The following SETX variants were observed in gnomAD, a reference collection of about 807,000 sequenced individuals.
SETX encodes the protein senataxin, also known as helicase senataxin.
Under a neutral mutation model 227.2 loss-of-function variants are expected in SETX, and 90 were observed. The observed-to-expected ratio is 0.40, with a 90% CI of 0.33 to 0.47. The LOEUF is 0.47. Among genes scored for constraint, SETX ranks in the 20% least tolerant of loss-of-function variants. The pLI is 0.91. For synonymous variants in SETX, 1,210 were observed against 1,113.2 expected (o/e 1.09, Z -1.73); for missense variants, 3,052 against 3,181.5 (o/e 0.96, Z 0.98).
rs150559908 is a variant in SETX at position 132,290,955 on chromosome 9, A to G, written c.6107-2304T>C. Among the ~76,000 whole-genome samples the G allele has an allele frequency of 6.6e-5, 10 of 152,238 alleles. No homozygotes were observed. In the East Asian group the frequency reaches 1.9e-3, roughly 29 times the overall value. ...TTGGACACGTCACAGTTATTTGTTT[A>G]CTGTCTATCTCCATCCTTTAAATGT... On this transcript the variant is annotated intron_variant, in intron 15 of 25. Transcript: ENST00000224140.
chr9:132,334,436 A>G, intron 7 of SETX, among the ~76,000 whole-genome samples, 172 bp downstream of exon 7: 1 of 152,236 alleles, frequency 6.6e-6, no homozygotes, highest in Non-Finnish European at 1.5e-5. Flanking sequence ...CAACAAGAGT[A>G]TGACTTCGTA....
chr9:132,312,254 G>C (rs749128108), intron 10 of SETX, among the ~76,000 whole-genome samples: 2 of 152,012 alleles, frequency 1.3e-5, no homozygotes, highest in Non-Finnish European at 2.9e-5. Context: ...AGTCCAAAAG[G>C]ACCTAGATTT....
rs1320789709 is a variant in SETX at position 132,349,431 on chromosome 9, T to A, written c.-3A>T. On this transcript the variant is annotated 5_prime_UTR_variant, in exon 3 of 26. Transcript: ENST00000224140. ...GTACACCAACAACATGTGCTCATTC[T>A]GTACCTACAGCCAGAAAAGATGACA... 3 of 1,614,202 alleles carry A rather than the reference T, an allele frequency of 1.9e-6. No individual in the cohort carries two copies. The highest frequency in any genetic ancestry group is 2.5e-6 in the Non-Finnish European group (3 of 1,180,028).
intron 10 of SETX, among the ~76,000 whole-genome samples, chr9:132,314,532 A>C (rs1845854941): frequency 6.6e-6 from 1 of 152,032 alleles, no homozygotes; most frequent in African/African-American, 2.4e-5. Flanking sequence ...CTAGCTTTCC[A>C]AGTATTAAAG....
chr9:132,333,329 G>C (rs1478491403), intron 7 of SETX, among the ~76,000 whole-genome samples: 1 of 145,090 alleles, frequency 6.9e-6, no homozygotes, highest in East Asian at 2.1e-4. Context: ...AGTTAGCCAA[G>C]ATCGCACCAC....
chr9:132,335,308 G>A (rs934177536), intron 6 of SETX, among the ~76,000 whole-genome samples: 9 of 149,444 alleles, frequency 6.0e-5, no homozygotes, highest in East Asian at 4.1e-4. Context: ...GGAGAATGGC[G>A]TGAACCCAGG....
At chr9:132,346,138 A>C (rs1848272346) in intron 4 of SETX, 123 bp downstream of exon 4, 4 of 771,874 alleles carry the variant, frequency 5.2e-6, no homozygotes, top group Non-Finnish European at 8.4e-6. Flanking sequence ...AAAAAAATGA[A>C]GTCCTAATTA....
intron 11 of SETX, among the ~76,000 whole-genome samples, chr9:132,305,260 A>G (rs1845261591): frequency 6.7e-6 from 1 of 148,498 alleles, no homozygotes; most frequent in Admixed American, 6.7e-5. Flanking sequence ...AGGCTGAGGC[A>G]GGAGAATGGC....
chr9:132,283,200 C>T, intron 19 of SETX, 64 bp downstream of exon 19: 1 of 1,596,654 alleles, frequency 6.3e-7, no homozygotes, highest in South Asian at 1.1e-5. Context: ...TCAGCAGCCA[C>T]AATTCATCTA....
At chr9:132,265,478 G>GC (rs1842601237) in intron 25 of SETX, among the ~76,000 whole-genome samples, 1 of 152,116 alleles carries the variant, frequency 6.6e-6, no homozygotes, top group Non-Finnish European at 1.5e-5. Context: ...GCCCGCCTCA[G>GC]CTCCCAAAGT....
intron 25 of SETX, among the ~76,000 whole-genome samples, chr9:132,268,167 T>A (rs1842734444): frequency 6.6e-6 from 1 of 152,194 alleles, no homozygotes. Context: ...AATCCAAACC[T>A]ACATTTTGAG....
chr9:132,269,771 G>T, intron 24 of SETX, 69 bp from the exon 25 acceptor site: 2 of 1,493,744 alleles, frequency 1.3e-6, no homozygotes, highest in Non-Finnish European at 9.3e-7. Flanking sequence ...GACAAAGGTG[G>T]ACTCTAGAAT....
At position 132,348,377 on chromosome 9, in the gene SETX, AC is replaced by A. The variant is rs199759313; in HGVS notation, c.177+874del. On this transcript the variant is annotated intron_variant, in intron 3 of 25. Transcript: ENST00000224140. ...GACTCTGTCTCAAAAAAAAAACAAA[AC>A]AAAAAAAAAACAACCCACTAACAAA... 3.3e-4 allele frequency among the ~76,000 whole-genome samples: 32 copies of A among 97,226 alleles called. 2 individuals carry two copies. The highest frequency in any genetic ancestry group is 8.6e-4 in the African/African-American group (22 of 25,600). 63.8% of individuals were successfully genotyped at this position (97,226 alleles called of 152,430 possible). A position where few individuals can be genotyped will look rare whatever the true frequency, so the allele number is the denominator to read the frequency against.
At chr9:132,281,348 C>G (rs1843489262) in intron 20 of SETX, 119 bp downstream of exon 20, 1 of 717,474 alleles carries the variant, frequency 1.4e-6, no homozygotes. Context: ...TTCTTAGTTA[C>G]TGCTTACTTT....
intron 11 of SETX, among the ~76,000 whole-genome samples, chr9:132,304,559 G>T (rs1432899572): frequency 1.3e-5 from 2 of 151,600 alleles, no homozygotes; most frequent in African/African-American, 4.8e-5. Flanking sequence ...TCTCAGCCTG[G>T]GAGTTTGAGG....
At chr9:132,312,514 A>C (rs534670793) in intron 10 of SETX, among the ~76,000 whole-genome samples, 1 of 152,338 alleles carries the variant, frequency 6.6e-6, no homozygotes, top group South Asian at 2.1e-4. Context: ...GTCTAAATGT[A>C]ACAGTTAGTC....
At chr9:132,334,306 G>C (rs1213510105) in intron 7 of SETX, among the ~76,000 whole-genome samples, 1 of 152,110 alleles carries the variant, frequency 6.6e-6, no homozygotes, top group East Asian at 1.9e-4. Flanking sequence ...AAATTAGCTG[G>C]GCGTGGTGGT....
intron 19 of SETX, 171 bp downstream of exon 19, chr9:132,283,093 G>A (rs538956224): frequency 2.2e-5 from 18 of 806,172 alleles, no homozygotes; most frequent in Admixed American, 6.9e-5. Context: ...TTTCACTATG[G>A]AGGGTCATTA....
At chr9:132,330,539 C>T in intron 9 of SETX, 40 bp from the exon 10 acceptor site, 1 of 1,555,522 alleles carries the variant, frequency 6.4e-7, no homozygotes, top group African/African-American at 1.4e-5. Context: ...TAAATAAGCA[C>T]CACTTATGAC....
Sources: allele counts gnomAD v4.1 joint callset (sites outside exome capture counted in the v4.1 genomes callset), GRCh38; gene constraint gnomAD v4.1.1; transcripts MANE v1.5; gene names NCBI Gene and HGNC (gene_info 2026-07-23, HGNC 2026-07-21).